ZNF761: variants seen among roughly 807,000 people sequenced by gnomAD.
The protein encoded by ZNF761 is zinc finger protein 761.
ZNF761 carries 43 observed loss-of-function variants against 59.9 expected under a neutral mutation model. That is an observed-to-expected ratio of 0.72 (90% CI 0.56 to 0.92). The LOEUF is 0.92. Ranked by LOEUF, ZNF761 falls within the 40% of genes least tolerant of loss-of-function variation. The probability of loss-of-function intolerance (pLI) is 0.00; values close to 1 mark genes in which losing one functional copy is unlikely to be tolerated. For synonymous variants in ZNF761, 294 were observed against 304.8 expected (o/e 0.96, Z 0.37); for missense variants, 850 against 906.1 (o/e 0.94, Z 0.79).
At chr19:53,451,298 A>G (rs1223788486) in intron 4 of ZNF761, among the ~76,000 whole-genome samples, 2 of 151,972 alleles carry the variant, frequency 1.3e-5, no homozygotes, top group African/African-American at 2.4e-5. Flanking sequence ...CCAACCTCCA[A>G]CTCCCAGGTT....
chr19:53,457,573 A>G lies in ZNF761; in HGVS notation c.*825A>G, dbSNP rs1021349943. The G allele has an allele frequency of 3.6e-5, 12 of 334,258 alleles. No individual in the cohort carries two copies. The highest frequency in any genetic ancestry group is 6.0e-5 in the Non-Finnish European group (10 of 166,596). The allele number at this position is 334,258 out of a possible 1,614,324, so 20.7% of individuals were successfully genotyped here. A position where few individuals can be genotyped will look rare whatever the true frequency, so the allele number is the denominator to read the frequency against. Reference sequence around the variant, plus strand: ...AATTCATTTTGGAGGTAGTTGGTCCATATGCAATGAGTAGAGCAAACCATC... The same window carrying G: ...AATTCATTTTGGAGGTAGTTGGTCCGTATGCAATGAGTAGAGCAAACCATC... On this transcript the variant is annotated 3_prime_UTR_variant, in exon 5 of 5. Transcript: ENST00000684525.
Position 53,455,969 on chromosome 19 carries a change from C to G in ZNF761, c.1462C>G (p.His488Asp). ...AAACCTTGAAAGACATAGGAGAATTCATACTGGAGAGAAACCATACAAGTG... is the reference window on the plus strand; with the variant it reads ...AAACCTTGAAAGACATAGGAGAATTGATACTGGAGAGAAACCATACAAGTG... ...KSNLERHRRI[H>D]TGEKPYKCNE... The change falls in exon 5 of 5, where the codon CAT (histidine) becomes GAT (aspartate). Residue 488 changes from histidine (H) to aspartate (D), a missense_variant. His to Asp is a moderately conservative substitution (Grantham distance 81). Coordinates refer to ENST00000684525, the MANE Select transcript of ZNF761 (RefSeq NM_001289951.2). 6.2e-7 allele frequency: 1 copy of G among 1,613,712 alleles called. No homozygotes were observed. The highest frequency in any genetic ancestry group is 8.5e-7 in the Non-Finnish European group (1 of 1,179,880).
intron 1 of ZNF761, among the ~76,000 whole-genome samples, chr19:53,433,170 C>T (rs1412510690): frequency 3.9e-5 from 6 of 152,122 alleles, no homozygotes; most frequent in Non-Finnish European, 2.9e-5. Context: ...ATTTAAGATA[C>T]GCACCGGCTC....
At chr19:53,444,161 G>A (rs2086129455) in intron 1 of ZNF761, 1 of 152,260 alleles carries the variant, frequency 6.6e-6, no homozygotes, top group Non-Finnish European at 1.5e-5. Flanking sequence ...CATGGGAAGG[G>A]AAAGACCTGA....
intron 1 of ZNF761, among the ~76,000 whole-genome samples, 197 bp from the exon 2 acceptor site, chr19:53,446,030 C>T (rs2086155664): frequency 6.6e-6 from 1 of 152,172 alleles, no homozygotes; most frequent in African/African-American, 2.4e-5. Flanking sequence ...AGGTTGCTGT[C>T]CCTGCTCTTA....
At position 53,442,875 on chromosome 19, in the gene ZNF761, T is replaced by C. The variant is rs2086114615; in HGVS notation, c.-184-3352T>C. ...ATGCATAATGTCTTTAAAAATCATG[T>C]TGTGAAAAAAAAAATACATAATCAC... is the stretch of plus-strand genomic sequence containing the variant. On this transcript the variant is annotated intron_variant, in intron 1 of 4. Transcript: ENST00000684525. The C allele has an allele frequency of 1.1e-5, 4 of 363,198 alleles. No homozygotes were observed. The Admixed American group carries it at 1.4e-4, about 12-fold the overall frequency. The allele number at this position is 363,198 out of a possible 1,614,324, so 22.5% of individuals were successfully genotyped here. A position where few individuals can be genotyped will look rare whatever the true frequency, so the allele number is the denominator to read the frequency against.
chr19:53,446,988 C>T (rs1249138016), intron 2 of ZNF761, among the ~76,000 whole-genome samples: 1 of 152,120 alleles, frequency 6.6e-6, no homozygotes, highest in East Asian at 1.9e-4. Flanking sequence ...GGAGCCCATT[C>T]CAGCCCAGCT....
chr19:53,455,045 A>T lies in ZNF761; in HGVS notation c.538A>T (p.Ile180Phe). The change falls in exon 5 of 5, where the codon ATT (isoleucine) becomes TTT (phenylalanine). Residue 180 changes from isoleucine to phenylalanine, a missense_variant. Ile to Phe is a conservative substitution (Grantham distance 21). Coordinates refer to ENST00000684525, the MANE Select transcript of ZNF761 (RefSeq NM_001289951.2). ...DASLVSTAQRISCRPKTHISN... is the reference protein window; with the variant it reads ...DASLVSTAQRFSCRPKTHISN... ...TTCCTTGGTTTCAACAGCCCAAAGAATTTCTTGTAGGCCCAAAACCCATAT... is the reference window on the plus strand; with the variant it reads ...TTCCTTGGTTTCAACAGCCCAAAGATTTTCTTGTAGGCCCAAAACCCATAT... 1 of 1,614,156 alleles carries T rather than the reference A, an allele frequency of 6.2e-7. No homozygotes were observed. Among genetic ancestry groups the T allele is most frequent in the Non-Finnish European group, 8.5e-7 (1 of 1,180,024 alleles).
chr19:53,434,174 ACTTAT>A (rs1218081388), intron 1 of ZNF761, among the ~76,000 whole-genome samples: 1 of 152,194 alleles, frequency 6.6e-6, no homozygotes. Context: ...TACCTTCGTG[ACTTAT>A]CTTGTGCCCA....
chr19:53,443,352 C>A, intron 1 of ZNF761: 1 of 153,162 alleles, frequency 6.5e-6, no homozygotes, highest in South Asian at 2.0e-4. Flanking sequence ...TTGGGGTGAT[C>A]AGACCCAACA....
At chr19:53,433,769 T>C (rs2086004116) in intron 1 of ZNF761, among the ~76,000 whole-genome samples, 1 of 152,120 alleles carries the variant, frequency 6.6e-6, no homozygotes, top group South Asian at 2.1e-4. Flanking sequence ...TAAGGGAGTA[T>C]CAAACCAATT....
intron 1 of ZNF761, chr19:53,442,437 A>G: frequency 1.2e-6 from 1 of 848,230 alleles, no homozygotes; most frequent in Non-Finnish European, 2.0e-6. Context: ...GAAGATTCTT[A>G]CTGATAATCT....
intron 3 of ZNF761, among the ~76,000 whole-genome samples, chr19:53,448,473 C>A (rs1180772206): frequency 1.3e-5 from 2 of 152,218 alleles, no homozygotes; most frequent in African/African-American, 4.8e-5. Flanking sequence ...GGAGCCACTA[C>A]TGTCAGTTCT....
intron 1 of ZNF761, among the ~76,000 whole-genome samples, chr19:53,433,881 G>A (rs1243796846): frequency 6.6e-6 from 1 of 152,114 alleles, no homozygotes; most frequent in African/African-American, 2.4e-5. Flanking sequence ...TCTAAGTCCG[G>A]ACTGGAACGT....
chr19:53,455,048 T>A lies in ZNF761; in HGVS notation c.541T>A (p.Ser181Thr). 3 of 1,614,150 alleles carry A rather than the reference T, an allele frequency of 1.9e-6. No individual in the cohort carries two copies. The highest frequency in any genetic ancestry group is 2.5e-6 in the Non-Finnish European group (3 of 1,180,024). The change falls in exon 5 of 5, where the codon TCT becomes ACT. Residue 181 changes from serine to threonine, a missense_variant. Physicochemically the swap from Ser to Thr is moderately conservative, Grantham distance 58 (BLOSUM62 1). Coordinates refer to ENST00000684525, the MANE Select transcript of ZNF761 (RefSeq NM_001289951.2). Reference protein sequence around the residue: ...ASLVSTAQRISCRPKTHISNN... With the variant: ...ASLVSTAQRITCRPKTHISNN... ...CTTGGTTTCAACAGCCCAAAGAATTTCTTGTAGGCCCAAAACCCATATATC... is the reference window on the plus strand; with the variant it reads ...CTTGGTTTCAACAGCCCAAAGAATTACTTGTAGGCCCAAAACCCATATATC...
At chr19:53,447,721 G>A (rs963312374) in intron 3 of ZNF761, among the ~76,000 whole-genome samples, 9 of 152,196 alleles carry the variant, frequency 5.9e-5, no homozygotes, top group African/African-American at 2.2e-4. Context: ...TTTTCTGCCT[G>A]ATTTTATAAT....
In ZNF761 at chr19:53,443,725, G is replaced by A. The variant is rs1026194957; in HGVS notation, c.-184-2502G>A. The A allele has an allele frequency of 1.6e-4, 24 of 152,182 alleles. 1 individual carries two copies. The highest frequency in any genetic ancestry group is 5.6e-4 in the African/African-American group (23 of 41,424). The allele number at this position is 152,182 out of a possible 1,614,324, so 9.4% of individuals were successfully genotyped here. A position where few individuals can be genotyped will look rare whatever the true frequency, so the allele number is the denominator to read the frequency against. On this transcript the variant is annotated intron_variant, in intron 1 of 4. Transcript: ENST00000684525. ...AGTCTAGGCACATTCCAGAGGCCAC[G>A]AGGGGTTTTATGCCCTGAAACCTGG...
chr19:53,456,716 C>T lies in ZNF761; in HGVS notation c.2209C>T (p.Arg737Cys), dbSNP rs761667766. Residue 737 changes from arginine (R) to cysteine (C), a missense_variant, in exon 5 of 5, where the codon CGT (arginine) becomes TGT (cysteine). Coordinates refer to ENST00000684525, the MANE Select transcript of ZNF761 (RefSeq NM_001289951.2). ...TCAGAAGTCAAACCTTACATGCCAT[C>T]GTAGACTTCATACTGGAGAAAAACA... is the stretch of plus-strand genomic sequence containing the variant. ...FSQKSNLTCHRRLHTGEKQV is the reference protein window; with the variant it reads ...FSQKSNLTCHCRLHTGEKQV 1.6e-5 allele frequency: 26 copies of T among 1,613,632 alleles called. No homozygotes were observed. Among genetic ancestry groups the T allele is most frequent in the Non-Finnish European group, 2.1e-5 (25 of 1,179,886 alleles).
intron 4 of ZNF761, chr19:53,450,176 G>GCTCA (rs1189479654): frequency 9.9e-6 from 2 of 202,372 alleles, no homozygotes; most frequent in Non-Finnish European, 2.0e-5. Context: ...GGTGGCATGG[G>GCTCA]CCTGTAATCC....
Sources: gnomAD v4.1 joint callset for allele counts (sites outside exome capture counted in the v4.1 genomes callset) on GRCh38, gnomAD v4.1.1 for gene constraint, MANE v1.5 for transcripts, NCBI Gene and HGNC (gene_info 2026-07-23, HGNC 2026-07-21) for gene names.